The following EGR3 variants were observed in gnomAD, a reference collection of about 807,000 sequenced individuals.
The protein encoded by EGR3 is early growth response 3, also known as early growth response protein 3.
Under a neutral mutation model 22.4 loss-of-function variants are expected in EGR3, and 4 were observed. That is an observed-to-expected ratio of 0.18 (90% CI 0.09 to 0.41). EGR3 has a LOEUF of 0.41. EGR3 is among the 10% of genes least tolerant of loss of function. The pLI is 1.00. For missense variants in EGR3, 315 were observed against 541.3 expected (o/e 0.58, Z 4.15); for synonymous variants, 219 against 226.8 (o/e 0.97, Z 0.31).
In EGR3 at chr8:22,691,241, T is replaced by C. The variant is rs370729228; in HGVS notation, c.396A>G (p.Pro132=). 1 of 1,613,966 alleles carries C rather than the reference T, an allele frequency of 6.2e-7. No individual in the cohort carries two copies. Among genetic ancestry groups the C allele is most frequent in the Non-Finnish European group, 8.5e-7 (1 of 1,179,998 alleles). ...TQTSTASMVQ[P]PQGDVEAMYP... ...ACATGGCCTCCACGTCACCCTGCGGTGGCTGCACCATGCTGGCCGTGGACG... is the reference window on the plus strand; with the variant it reads ...ACATGGCCTCCACGTCACCCTGCGGCGGCTGCACCATGCTGGCCGTGGACG... The change falls in exon 2 of 2, where the codon CCA becomes CCG. Residue 132 remains proline (P), a synonymous_variant. Transcript: ENST00000317216.
rs1804004447 is a variant in EGR3, at chr8:22,692,454, GC to G, written c.154+336del. The G allele has an allele frequency of 2.1e-6, 3 of 1,422,828 alleles. No individual in the cohort carries two copies. The highest frequency in any genetic ancestry group is 3.0e-5 in the Admixed American group (1 of 33,626). 88.1% of individuals were successfully genotyped at this position (1,422,828 alleles called of 1,614,324 possible). ...GCCTTGCGCGTAGCCCGGCGATCGG[GC>G]CCCCTGCGTGGTGAGGGAGAACCCC... On this transcript the variant is annotated intron_variant, in intron 1 of 1. Transcript: ENST00000317216. The surrounding 1 kb of genome is among the most constrained non-coding windows in gnomAD (Gnocchi z 6.2).
In EGR3 at chr8:22,691,358, G is replaced by C; in HGVS notation, c.279C>G (p.Ser93=). ...VTYLGKFAFD[S]PSNWCQDNII... ...TGTTGTCCTGGCACCAGTTGGAAGG[G>C]GAGTCGAAGGCGAACTTTCCCAAGT... is the stretch of plus-strand genomic sequence containing the variant. Residue 93 remains serine, a synonymous_variant, in exon 2 of 2, where the codon TCC becomes TCG. Coordinates refer to ENST00000317216, the MANE Select transcript of EGR3 (RefSeq NM_004430.3). The C allele has an allele frequency of 6.2e-7, 1 of 1,614,182 alleles. No individual in the cohort carries two copies. The highest frequency in any genetic ancestry group is 8.5e-7 in the Non-Finnish European group (1 of 1,180,020).
chr8:22,688,082 TTC>T lies in EGR3; in HGVS notation c.*2389_*2390del, dbSNP rs1803823823. On this transcript the variant is annotated 3_prime_UTR_variant, in exon 2 of 2. Coordinates refer to ENST00000317216, the MANE Select transcript of EGR3 (RefSeq NM_004430.3). ...TTTTCCTGTTTAAAACCTGATTTTT[TTC>T]TCTCAGTTCACATAAGTTAGAGTGC... The T allele has an allele frequency of 6.6e-6, 1 of 152,596 alleles. No individual in the cohort carries two copies. The highest frequency in any genetic ancestry group is 1.5e-5 in the Non-Finnish European group (1 of 68,028). The allele number at this position is 152,596 out of a possible 1,614,324, so 9.5% of individuals were successfully genotyped here.
chr8:22,692,134 C>T lies in EGR3; in HGVS notation c.155-652G>A. 1 of 1,365,338 alleles carries T rather than the reference C, an allele frequency of 7.3e-7. No individual in the cohort carries two copies. The highest frequency in any genetic ancestry group is 9.4e-7 in the Non-Finnish European group (1 of 1,063,450). The allele number at this position is 1,365,338 out of a possible 1,614,324, so 84.6% of individuals were successfully genotyped here. On this transcript the variant is annotated intron_variant, in intron 1 of 1. Coordinates refer to ENST00000317216, the MANE Select transcript of EGR3 (RefSeq NM_004430.3). The surrounding 1 kb of genome is among the most constrained non-coding windows in gnomAD (Gnocchi z 6.2). ...AGGGAGGGTGGAGAGCGGCGGAAAA[C>T]CGGCCGGTGTCTCCATGGCGGGAGA...
At chr8:22,691,680 CGGATCGGGGT>C (rs896969461) in intron 1 of EGR3, 198 bp from the exon 2 acceptor site, 49 of 981,182 alleles carry the variant, frequency 5.0e-5, no homozygotes, top group Non-Finnish European at 5.9e-5. Context: ...CAAAATACTA[CGGATCGGGGT>C]GTGGAGTGGC....
At position 22,688,529 on chromosome 8, in the gene EGR3, C is replaced by T. The variant is rs1173461285; in HGVS notation, c.*1944G>A. On this transcript the variant is annotated 3_prime_UTR_variant, in exon 2 of 2. Coordinates refer to ENST00000317216, the MANE Select transcript of EGR3 (RefSeq NM_004430.3). Reference sequence around the variant, plus strand: ...CACAACCCCCTGCTCTTCGATATCCCCCCTTTCCACTAGAGTCCTTTTAGT... The same window carrying T: ...CACAACCCCCTGCTCTTCGATATCCTCCCTTTCCACTAGAGTCCTTTTAGT... 2 of 152,424 alleles carry T rather than the reference C, an allele frequency of 1.3e-5. No individual in the cohort carries two copies. The highest frequency in any genetic ancestry group is 2.9e-5 in the Non-Finnish European group (2 of 68,034). The allele number at this position is 152,424 out of a possible 1,614,324, so 9.4% of individuals were successfully genotyped here. A position where few individuals can be genotyped will look rare whatever the true frequency, so the allele number is the denominator to read the frequency against.
rs1331018167 is a variant in EGR3 at position 22,687,879 on chromosome 8, A to G, written c.*2594T>C. ...TACAATATGACAAAGGAGCAAATGA[A>G]ATGTTGGTGAAGAATTTCACCTTTT... On this transcript the variant is annotated 3_prime_UTR_variant, in exon 2 of 2. Coordinates refer to ENST00000317216, the MANE Select transcript of EGR3 (RefSeq NM_004430.3). The surrounding 1 kb of genome is among the most constrained non-coding windows in gnomAD (Gnocchi z 4.7). 6.6e-6 allele frequency: 1 copy of G among 152,644 alleles called. No homozygotes were observed. Among genetic ancestry groups the G allele is most frequent in the Non-Finnish European group, 1.5e-5 (1 of 68,036 alleles). The allele number at this position is 152,644 out of a possible 1,614,324, so 9.5% of individuals were successfully genotyped here.
chr8:22,693,068 G>A lies in EGR3; in HGVS notation c.-124C>T. On this transcript the variant is annotated 5_prime_UTR_variant, in exon 1 of 2. Transcript: ENST00000317216. ...GGTGCAGGGGAAAAGCATGCGAGAG[G>A]GAAAGTTCGGGGGGAGGGGGGAGGG... 1 of 1,171,428 alleles carries A rather than the reference G, an allele frequency of 8.5e-7. No individual in the cohort carries two copies. The highest frequency in any genetic ancestry group is 3.6e-5 in the East Asian group (1 of 27,664). The allele number at this position is 1,171,428 out of a possible 1,614,324, so 72.6% of individuals were successfully genotyped here.
rs1394626204 is a variant in EGR3, at chr8:22,690,314, G to T, written c.*159C>A. On this transcript the variant is annotated 3_prime_UTR_variant, in exon 2 of 2. Coordinates refer to ENST00000317216, the MANE Select transcript of EGR3 (RefSeq NM_004430.3). ...CCCTGACCGCTGGCCGGCGTGAAAGGTTGGGAACCGGGGGCATCGAAGGGG... is the reference window on the plus strand; with the variant it reads ...CCCTGACCGCTGGCCGGCGTGAAAGTTTGGGAACCGGGGGCATCGAAGGGG... 6.1e-6 allele frequency: 4 copies of T among 651,642 alleles called. No homozygotes were observed. The highest frequency in any genetic ancestry group is 3.0e-5 in the Admixed American group (1 of 33,578). The allele number at this position is 651,642 out of a possible 1,614,324, so 40.4% of individuals were successfully genotyped here.
In EGR3 at chr8:22,692,444, C is replaced by G. The variant is rs889234357; in HGVS notation, c.154+347G>C. The G allele has an allele frequency of 1.4e-6, 2 of 1,423,080 alleles. No homozygotes were observed. Among genetic ancestry groups the G allele is most frequent in the African/African-American group, 2.9e-5 (2 of 68,902 alleles). 88.2% of individuals were successfully genotyped at this position (1,423,080 alleles called of 1,614,324 possible). A position where few individuals can be genotyped will look rare whatever the true frequency, so the allele number is the denominator to read the frequency against. On this transcript the variant is annotated intron_variant, in intron 1 of 1. Coordinates refer to ENST00000317216, the MANE Select transcript of EGR3 (RefSeq NM_004430.3). This position sits in a 1 kb window ranked among gnomAD's most constrained non-coding sequence, Gnocchi z 6.2. Reference sequence around the variant, plus strand: ...ACAGCACCACGCCTTGCGCGTAGCCCGGCGATCGGGCCCCCTGCGTGGTGA... The same window carrying G: ...ACAGCACCACGCCTTGCGCGTAGCCGGGCGATCGGGCCCCCTGCGTGGTGA...
rs748093043 is a variant in EGR3 at position 22,691,006 on chromosome 8, G to T, written c.631C>A (p.Pro211Thr). 1.3e-6 allele frequency: 2 copies of T among 1,587,892 alleles called. No homozygotes were observed. The highest frequency in any genetic ancestry group is 3.4e-5 in the Admixed American group (2 of 58,798). ...CGGATGGGGTCCATGCCCTGGAAGG[G>T]CTTGTGCTCCGGAATGGAGCCCATG... ...NDMGSIPEHKPFQGMDPIRVN... is the reference protein window; with the variant it reads ...NDMGSIPEHKTFQGMDPIRVN... Residue 211 changes from proline to threonine, a missense_variant, in exon 2 of 2, where the codon CCC (proline) becomes ACC (threonine). By Grantham distance (38) the Pro-to-Thr change is conservative (BLOSUM62 -1). This residue lies in a region of EGR3 where 227 missense variants were observed against 303.6 expected (regional missense o/e 0.75). Coordinates refer to ENST00000317216, the MANE Select transcript of EGR3 (RefSeq NM_004430.3).
Position 22,690,763 on chromosome 8 carries a change from G to C in EGR3, c.874C>G (p.Leu292Val), listed in dbSNP as rs1205700972. The C allele has an allele frequency of 6.2e-7, 1 of 1,613,808 alleles. No homozygotes were observed. The highest frequency in any genetic ancestry group is 8.5e-7 in the Non-Finnish European group (1 of 1,179,782). Residue 292 changes from leucine to valine, a missense_variant, in exon 2 of 2, where the codon CTG (leucine) becomes GTG (valine). Physicochemically the swap from Leu to Val is conservative, Grantham distance 32. This residue lies in a region of EGR3 where 16 missense variants were observed against 118.3 expected (regional missense o/e 0.14). Coordinates refer to ENST00000317216, the MANE Select transcript of EGR3 (RefSeq NM_004430.3). ...GTGTGGATGCGCAGGTGCCGGGTCA[G>C]CTCGTCCGAACGGCTGAAACGGCGG... is the stretch of plus-strand genomic sequence containing the variant. ...CDRRFSRSDE[L>V]TRHLRIHTGH...
Position 22,691,493 on chromosome 8 carries a change from C to CG in EGR3, c.155-12dup, listed in dbSNP as rs879061092. 1.2e-6 allele frequency: 2 copies of CG among 1,610,466 alleles called. No individual in the cohort carries two copies. The highest frequency in any genetic ancestry group is 2.2e-5 in the South Asian group (2 of 90,990). ...TGTCCATTACATTCTCTGCGGAGAG[C>CG]GGGGGAGAGAGGGGAGGGGTGAGTG... On this transcript the variant is annotated splice_polypyrimidine_tract_variant and intron_variant, in intron 1 of 1. Transcript: ENST00000317216.
At position 22,691,364 on chromosome 8, in the gene EGR3, G is replaced by A; in HGVS notation, c.273C>T (p.Phe91=). 1 of 1,614,138 alleles carries A rather than the reference G, an allele frequency of 6.2e-7. No individual in the cohort carries two copies. Among genetic ancestry groups the A allele is most frequent in the Non-Finnish European group, 8.5e-7 (1 of 1,180,018 alleles). Residue 91 remains phenylalanine, a synonymous_variant, in exon 2 of 2, where the codon TTC becomes TTT. Coordinates refer to ENST00000317216, the MANE Select transcript of EGR3 (RefSeq NM_004430.3). ...KTVTYLGKFA[F]DSPSNWCQDN... ...CCTGGCACCAGTTGGAAGGGGAGTCGAAGGCGAACTTTCCCAAGTAGGTCA... is the reference window on the plus strand; with the variant it reads ...CCTGGCACCAGTTGGAAGGGGAGTCAAAGGCGAACTTTCCCAAGTAGGTCA...
In EGR3 at chr8:22,693,405, C is replaced by G. The variant is rs1479236117; in HGVS notation, c.-461G>C. ...CCGCCGCCGCCGCCGCCGCCTCTGC[C>G]GCCGCTGCCGCCGCTGCTACCACCA... On this transcript the variant is annotated 5_prime_UTR_variant, in exon 1 of 2. Transcript: ENST00000317216. 1 of 170,076 alleles carries G rather than the reference C, an allele frequency of 5.9e-6. No individual in the cohort carries two copies. The highest frequency in any genetic ancestry group is 1.2e-5 in the Non-Finnish European group (1 of 82,640). 10.5% of individuals were successfully genotyped at this position (170,076 alleles called of 1,614,324 possible). A position where few individuals can be genotyped will look rare whatever the true frequency, so the allele number is the denominator to read the frequency against.
intron 1 of EGR3, 189 bp from the exon 2 acceptor site, chr8:22,691,671 A>C: frequency 3.1e-6 from 3 of 981,258 alleles, no homozygotes; most frequent in Non-Finnish European, 2.4e-6. Flanking sequence ...TGGATATAGC[A>C]AAATACTACG....
At position 22,690,107 on chromosome 8, in the gene EGR3, T is replaced by C; in HGVS notation, c.*366A>G. ...GGGAGACGTGGGGGAAACAATGAGGTGTTTGGGTCGGGCGAGGGTTGGATG... is the reference window on the plus strand; with the variant it reads ...GGGAGACGTGGGGGAAACAATGAGGCGTTTGGGTCGGGCGAGGGTTGGATG... On this transcript the variant is annotated 3_prime_UTR_variant, in exon 2 of 2. Coordinates refer to ENST00000317216, the MANE Select transcript of EGR3 (RefSeq NM_004430.3). 1 of 280,056 alleles carries C rather than the reference T, an allele frequency of 3.6e-6. No homozygotes were observed. Among genetic ancestry groups the C allele is most frequent in the Non-Finnish European group, 6.7e-6 (1 of 148,560 alleles). 17.3% of individuals were successfully genotyped at this position (280,056 alleles called of 1,614,324 possible).
chr8:22,691,994 C>A (rs1803983618), intron 1 of EGR3: 4 of 1,281,776 alleles, frequency 3.1e-6, no homozygotes, highest in Non-Finnish European at 3.9e-6. Context: ...GTCCTCGGAG[C>A]GTAGAAGGGT....
rs1803928788 is a variant in EGR3, at chr8:22,690,898, G to C, written c.739C>G (p.Pro247Ala). 2 of 1,579,264 alleles carry C rather than the reference G, an allele frequency of 1.3e-6. No individual in the cohort carries two copies. Among genetic ancestry groups the C allele is most frequent in the Non-Finnish European group, 1.7e-6 (2 of 1,160,466 alleles). Residue 247 changes from proline to alanine, a missense_variant, in exon 2 of 2, where the codon CCC (proline) becomes GCC (alanine). Coordinates refer to ENST00000317216, the MANE Select transcript of EGR3 (RefSeq NM_004430.3). ...KQIHPGFGSL[P>A]QPPLTLKPIR... ...GGCTTGAGGGTGAGCGGCGGCTGGGGCAGGCTGCCAAAGCCCGGGTGGATC... is the reference window on the plus strand; with the variant it reads ...GGCTTGAGGGTGAGCGGCGGCTGGGCCAGGCTGCCAAAGCCCGGGTGGATC...
Sources: gnomAD v4.1 joint callset for allele counts on GRCh38, gnomAD v4.1.1 for gene constraint, gnomAD v4.1.1 regional missense constraint, Gnocchi (gnomAD v3.1) non-coding constraint, MANE v1.5 for transcripts, NCBI Gene and HGNC (gene_info 2026-07-23, HGNC 2026-07-21) for gene names.